The following CDH18 variants were observed in gnomAD, a reference collection of about 807,000 sequenced individuals.
CDH18 encodes cadherin-18.
Under a neutral mutation model 67.9 loss-of-function variants are expected in CDH18, and 31 were observed. The ratio of observed to expected loss-of-function variants is 0.46; its 90% CI spans 0.34 to 0.62. The LOEUF (loss-of-function observed/expected upper bound fraction) is 0.62. Among genes scored for constraint, CDH18 ranks in the 20% least tolerant of loss-of-function variants. The pLI is 0.01. For missense variants in CDH18, 890 were observed against 975.5 expected (o/e 0.91, Z 1.17); for synonymous variants, 362 against 347.2 (o/e 1.04, Z -0.48).
chr5:20,508,553 G>A (rs761827172), intron 1 of CDH18, among the ~76,000 whole-genome samples: 2 of 151,344 alleles, frequency 1.3e-5, no homozygotes, highest in Admixed American at 6.6e-5. Flanking sequence ...CACATTGGGA[G>A]ATTTTATTTT....
At chr5:19,949,924 T>C (rs1795625194) in intron 2 of CDH18, among the ~76,000 whole-genome samples, 2 of 151,536 alleles carry the variant, frequency 1.3e-5, no homozygotes. Flanking sequence ...ATTGCAAAAA[T>C]ACGGAACCAG....
chr5:19,588,308 C>T (rs1744541946), intron 7 of CDH18, among the ~76,000 whole-genome samples: 1 of 151,752 alleles, frequency 6.6e-6, no homozygotes, highest in South Asian at 2.1e-4. Context: ...TGGCCAGAAG[C>T]TTTATAAGCG....
At chr5:20,354,206 A>G (rs148840501) in intron 1 of CDH18, among the ~76,000 whole-genome samples, 3 of 152,340 alleles carry the variant, frequency 2.0e-5, no homozygotes, top group African/African-American at 7.2e-5. Context: ...ATAAAAGTGC[A>G]TGGTGGTACT....
At chr5:20,410,937 A>G (rs1358369004) in intron 1 of CDH18, among the ~76,000 whole-genome samples, 3 of 151,950 alleles carry the variant, frequency 2.0e-5, no homozygotes, top group African/African-American at 7.2e-5. Context: ...ACTACAGAAC[A>G]TTGATGAAAG....
intron 1 of CDH18, among the ~76,000 whole-genome samples, chr5:20,283,294 A>G (rs1317552381): frequency 6.6e-6 from 1 of 152,062 alleles, no homozygotes; most frequent in African/African-American, 2.4e-5. Context: ...ACAGCAAAGA[A>G]AACAACAAGT....
intron 2 of CDH18, among the ~76,000 whole-genome samples, chr5:20,121,882 C>T (rs1338221106): frequency 1.3e-5 from 2 of 152,056 alleles, no homozygotes; most frequent in South Asian, 2.1e-4. Flanking sequence ...ACCACAAAAA[C>T]GAAGGCTCAA....
intron 3 of CDH18, among the ~76,000 whole-genome samples, chr5:19,800,466 T>C (rs10068995): frequency 0.46 from 70,039 of 151,930 alleles, 16,341 homozygotes; most frequent in Middle Eastern, 0.59. Flanking sequence ...TCCTCATTTA[T>C]CTGAATGTCT....
intron 2 of CDH18, among the ~76,000 whole-genome samples, chr5:19,979,215 A>AGTGTGT (rs113093535): frequency 0.028 from 4,125 of 146,978 alleles, 117 homozygotes; most frequent in African/African-American, 0.073. Flanking sequence ...GTGGGGATGG[A>AGTGTGT]GTGTGTGTGT....
intron 2 of CDH18, among the ~76,000 whole-genome samples, chr5:20,140,190 C>T (rs184982250): frequency 6.6e-6 from 1 of 152,222 alleles, no homozygotes; most frequent in Admixed American, 6.5e-5. Context: ...AAGCTGGAAA[C>T]CATCATTCTG....
At chr5:20,045,400 A>G (rs73055503) in intron 2 of CDH18, among the ~76,000 whole-genome samples, 11,882 of 152,122 alleles carry the variant, frequency 0.078, 913 homozygotes, top group African/African-American at 0.2. Flanking sequence ...AGAACGCAAC[A>G]GTGAACAATT....
chr5:19,739,766 T>C (rs1023771822), intron 4 of CDH18, among the ~76,000 whole-genome samples: 9 of 152,248 alleles, frequency 5.9e-5, no homozygotes, highest in Admixed American at 5.9e-4. Flanking sequence ...ATTAAAATGA[T>C]ACCATTCTGA....
At chr5:19,991,839 TAACAATAAAAAAATAA>T (rs755337746), upstream of CDH18, 5 of 151,270 alleles carry the variant, frequency 3.3e-5, no homozygotes, top group African/African-American at 4.9e-5. Flanking sequence ...CCATCTCTAC[TAACAATAAAAAAATAA>T]AAAAATAAAA....
chr5:20,553,518 T>A (rs980695674), intron 1 of CDH18, among the ~76,000 whole-genome samples: 2 of 152,146 alleles, frequency 1.3e-5, no homozygotes, highest in Admixed American at 1.3e-4. Flanking sequence ...GAACATACCA[T>A]GAAGATGAAA....
At chr5:20,248,359 A>T (rs1170577302) in intron 2 of CDH18, among the ~76,000 whole-genome samples, 1 of 152,220 alleles carries the variant, frequency 6.6e-6, no homozygotes, top group East Asian at 1.9e-4. Context: ...CTTTCTCATA[A>T]GCTGTCAGCT....
intron 9 of CDH18, among the ~76,000 whole-genome samples, chr5:19,534,532 G>C (rs1451101575): frequency 6.6e-6 from 1 of 152,122 alleles, no homozygotes; most frequent in East Asian, 1.9e-4. Flanking sequence ...ACAGATACCT[G>C]ATCAAAGCAA....
chr5:20,157,366 G>A (rs72743043), intron 2 of CDH18, among the ~76,000 whole-genome samples: 17,561 of 152,154 alleles, frequency 0.12, 1,322 homozygotes, highest in Middle Eastern at 0.23. Flanking sequence ...GCAATGGAAT[G>A]CGAGTGGACT....
chr5:20,206,794 G>C (rs1739929502), intron 2 of CDH18, among the ~76,000 whole-genome samples: 1 of 151,862 alleles, frequency 6.6e-6, no homozygotes, highest in Non-Finnish European at 1.5e-5. Context: ...ACAAAATTCA[G>C]TGTTACTTTA....
intron 2 of CDH18, among the ~76,000 whole-genome samples, chr5:20,007,770 T>C (rs1737038956): frequency 6.6e-6 from 1 of 151,590 alleles, no homozygotes; most frequent in East Asian, 1.9e-4. Flanking sequence ...ACTAAGAATG[T>C]TTTTACATTT....
At chr5:20,147,872 T>C (rs1271770589) in intron 2 of CDH18, among the ~76,000 whole-genome samples, 1 of 152,140 alleles carries the variant, frequency 6.6e-6, no homozygotes, top group Non-Finnish European at 1.5e-5. Flanking sequence ...ATGTGAATTG[T>C]TTAACCACCT....
Sources: allele counts gnomAD v4.1 joint callset (sites outside exome capture counted in the v4.1 genomes callset), GRCh38; gene constraint gnomAD v4.1.1; transcripts MANE v1.5; gene names NCBI Gene and HGNC (gene_info 2026-07-23, HGNC 2026-07-21).